Variants in MTG1 observed in about 807,000 individuals in gnomAD.
The protein encoded by MTG1 is mitochondrial ribosome associated GTPase 1.
MTG1 carries 30 observed loss-of-function variants against 39.5 expected under a neutral mutation model. The observed-to-expected ratio is 0.76, with a 90% CI of 0.57 to 1.03. The LOEUF is 1.03. MTG1 is among the 50% of genes least tolerant of loss of function. MTG1 has a pLI of 0.00. For missense variants in MTG1, 513 were observed against 447.4 expected (o/e 1.15, Z -1.32); for synonymous variants, 217 against 179.0 (o/e 1.21, Z -1.69).
In MTG1 at chr10:133,402,397, G is replaced by T; in HGVS notation, c.670+152G>T. ...ACCTTCCTCGAAGCTTAGTGTGAGA[G>T]CTGTAATAGTGCACAGCTGACAGGC... is the stretch of plus-strand genomic sequence containing the variant. On this transcript the variant is annotated intron_variant, in intron 8 of 10. Coordinates refer to ENST00000317502, the MANE Select transcript of MTG1 (RefSeq NM_138384.4). This position sits in a 1 kb window ranked among gnomAD's most constrained non-coding sequence, Gnocchi z 4.7. 1.1e-6 allele frequency: 1 copy of T among 872,280 alleles called. No homozygotes were observed. The highest frequency in any genetic ancestry group is 1.8e-6 in the Non-Finnish European group (1 of 551,990). The allele number at this position is 872,280 out of a possible 1,614,324, so 54.0% of individuals were successfully genotyped here.
At chr10:133,398,824 G>C (rs773460639) in intron 4 of MTG1, among the ~76,000 whole-genome samples, 11 of 152,158 alleles carry the variant, frequency 7.2e-5, no homozygotes, top group Non-Finnish European at 1.5e-4. Context: ...TTAAAAGGTA[G>C]TTACAGCTGT....
intron 3 of MTG1, among the ~76,000 whole-genome samples, chr10:133,397,767 T>C (rs1479903982): frequency 6.7e-6 from 1 of 149,834 alleles, no homozygotes; most frequent in Non-Finnish European, 1.5e-5. Flanking sequence ...CGTGAGTCAC[T>C]GCGTCCAGCC....
At chr10:133,410,638 T>G (rs1335697459) in intron 9 of MTG1, among the ~76,000 whole-genome samples, 1 of 152,242 alleles carries the variant, frequency 6.6e-6, no homozygotes. Flanking sequence ...CTGGGCGTGG[T>G]GCTCTGTGAC....
chr10:133,402,556 T>C lies in MTG1; in HGVS notation c.671-136T>C. On this transcript the variant is annotated intron_variant, in intron 8 of 10. Transcript: ENST00000317502. This position sits in a 1 kb window ranked among gnomAD's most constrained non-coding sequence, Gnocchi z 4.7. ...CACAGCCGAGTGCCGTCCTCTTGGT[T>C]AGTGTCTTTGTCAGTGGCTGGCCTC... The C allele has an allele frequency of 1.2e-6, 1 of 826,356 alleles. No individual in the cohort carries two copies. The highest frequency in any genetic ancestry group is 2.7e-5 in the East Asian group (1 of 37,370). 51.2% of individuals were successfully genotyped at this position (826,356 alleles called of 1,614,324 possible).
intron 3 of MTG1, among the ~76,000 whole-genome samples, chr10:133,397,161 A>C (rs536948413): frequency 7.2e-5 from 11 of 152,232 alleles, no homozygotes; most frequent in South Asian, 2.1e-4. Context: ...TGTCTTTTAG[A>C]TAGCAGTAGC....
intron 9 of MTG1, among the ~76,000 whole-genome samples, chr10:133,403,619 T>C (rs186083131): frequency 1.5e-4 from 23 of 152,364 alleles, no homozygotes; most frequent in Admixed American, 5.9e-4. Flanking sequence ...TTCATCCTTT[T>C]TGTTGCCAGG....
chr10:133,411,551 C>T (rs961556833), intron 9 of MTG1, among the ~76,000 whole-genome samples: 2 of 152,186 alleles, frequency 1.3e-5, no homozygotes, highest in Non-Finnish European at 2.9e-5. Context: ...TCCTCTTGCT[C>T]GGTTCCTTCT....
chr10:133,399,529 AACCTGGAGTACTGT>A lies in MTG1; in HGVS notation c.423_436del (p.Leu142HisfsTer48), dbSNP rs1489364772. Reference sequence around the variant, plus strand: ...GTGACCCCTCTCTCTGCCTGCGCAGAACCTGGAGTACTGTATCATGGTCATTGGGGTCCCCAACG... The same window carrying A: ...GTGACCCCTCTCTCTGCCTGCGCAGAATCATGGTCATTGGGGTCCCCAACG... On this transcript the variant is annotated frameshift_variant and splice_region_variant, in exon 6 of 11. Coordinates refer to ENST00000317502, the MANE Select transcript of MTG1 (RefSeq NM_138384.4). LOFTEE classifies it high-confidence loss of function. 3 of 1,613,976 alleles carry A rather than the reference AACCTGGAGTACTGT, an allele frequency of 1.9e-6. No homozygotes were observed. In the African/African-American group the frequency reaches 4.0e-5, roughly 22 times the overall value.
In MTG1 at chr10:133,410,128, CT is replaced by C. The variant is rs573956249; in HGVS notation, c.752+7357del. On this transcript the variant is annotated intron_variant, in intron 9 of 10. Coordinates refer to ENST00000317502, the MANE Select transcript of MTG1 (RefSeq NM_138384.4). ...TGGTGTGATCATAGCTCACTGTAGCCTTGAACTCCTGGGCTCAAGCAGTCTT... is the reference window on the plus strand; with the variant it reads ...TGGTGTGATCATAGCTCACTGTAGCCTGAACTCCTGGGCTCAAGCAGTCTT... Among the ~76,000 whole-genome samples the C allele has an allele frequency of 4.3e-4, 65 of 152,290 alleles. 1 individual carries two copies. The South Asian group carries it at 8.3e-3, about 19-fold the overall frequency.
intron 6 of MTG1, 27 bp from the exon 7 acceptor site, chr10:133,401,501 TG>T: frequency 6.5e-7 from 1 of 1,539,674 alleles, no homozygotes; most frequent in Non-Finnish European, 8.7e-7. Context: ...AGTATACATT[TG>T]AGCCTCCTTT....
At chr10:133,406,240 G>A (rs544550065) in intron 9 of MTG1, among the ~76,000 whole-genome samples, 2 of 152,070 alleles carry the variant, frequency 1.3e-5, no homozygotes, top group Admixed American at 6.5e-5. Flanking sequence ...TTAATTCCTT[G>A]TTGAGTAGTT....
intron 1 of MTG1, chr10:133,394,730 G>A (rs1849755374): frequency 7.8e-6 from 8 of 1,022,840 alleles, no homozygotes; most frequent in South Asian, 4.0e-5. Flanking sequence ...GAAACAGTGG[G>A]TATGAAGGCA....
chr10:133,402,508 C>G lies in MTG1; in HGVS notation c.671-184C>G, dbSNP rs1470352391. On this transcript the variant is annotated intron_variant, in intron 8 of 10. Coordinates refer to ENST00000317502, the MANE Select transcript of MTG1 (RefSeq NM_138384.4). The surrounding 1 kb of genome is among the most constrained non-coding windows in gnomAD (Gnocchi z 4.7). Reference sequence around the variant, plus strand: ...GGGCAGAGAGGTTGGTCGCAGGTGCCAGGCAGGAGTGGGGGCCGGGACCAC... The same window carrying G: ...GGGCAGAGAGGTTGGTCGCAGGTGCGAGGCAGGAGTGGGGGCCGGGACCAC... 2.9e-6 allele frequency: 2 copies of G among 699,162 alleles called. No individual in the cohort carries two copies. The highest frequency in any genetic ancestry group is 4.8e-6 in the Non-Finnish European group (2 of 418,292). 43.3% of individuals were successfully genotyped at this position (699,162 alleles called of 1,614,324 possible).
At chr10:133,414,353 C>A (rs1309637322) in intron 9 of MTG1, among the ~76,000 whole-genome samples, 2 of 152,196 alleles carry the variant, frequency 1.3e-5, no homozygotes, top group African/African-American at 4.8e-5. Flanking sequence ...ATTTCTCAAT[C>A]TTTTCCCCAC....
chr10:133,408,725 C>T (rs1340565813), intron 9 of MTG1, among the ~76,000 whole-genome samples: 1 of 152,152 alleles, frequency 6.6e-6, no homozygotes, highest in Non-Finnish European at 1.5e-5. Flanking sequence ...GATCTTGTTA[C>T]TTATTATCGA....
At chr10:133,408,960 TTTTG>T (rs972922973) in intron 9 of MTG1, among the ~76,000 whole-genome samples, 57 of 152,282 alleles carry the variant, frequency 3.7e-4, no homozygotes, top group Middle Eastern at 3.4e-3. Flanking sequence ...TGTTTGTGGA[TTTTG>T]TTTATGTTTT....
At chr10:133,419,182 C>G (rs904088953) in intron 9 of MTG1, among the ~76,000 whole-genome samples, 1 of 152,224 alleles carries the variant, frequency 6.6e-6, no homozygotes, top group African/African-American at 2.4e-5. Context: ...TGTGTGTGAA[C>G]AGCTGTTACT....
chr10:133,401,324 C>T, intron 6 of MTG1: 1 of 492,990 alleles, frequency 2.0e-6, no homozygotes, highest in Non-Finnish European at 3.5e-6. Flanking sequence ...CAAATTATAG[C>T]CTTGGGAAGC....
rs780543619 is a variant in MTG1 at position 133,396,284 on chromosome 10, C to CA, written c.282+18dup. 222 of 1,596,090 alleles carry CA rather than the reference C, an allele frequency of 1.4e-4. No homozygotes were observed. Among genetic ancestry groups the CA allele is most frequent in the Non-Finnish European group, 2.4e-5 (28 of 1,164,118 alleles). ...GAGCAGCAGGTAAAGGCCTTTCTCT[C>CA]AGACGCCTTCAGCAGTGTGGCTGTG... On this transcript the variant is annotated intron_variant, in intron 3 of 10. Coordinates refer to ENST00000317502, the MANE Select transcript of MTG1 (RefSeq NM_138384.4).
Sources: allele counts gnomAD v4.1 joint callset (sites outside exome capture counted in the v4.1 genomes callset), GRCh38; gene constraint gnomAD v4.1.1; non-coding constraint Gnocchi (gnomAD v3.1); transcripts MANE v1.5; gene names NCBI Gene and HGNC (gene_info 2026-07-23, HGNC 2026-07-21).